SV2B: variants seen among roughly 807,000 people sequenced by gnomAD.
The protein encoded by SV2B is synaptic vesicle glycoprotein 2B, also known as solute carrier family 22 member B2.
A neutral mutation model predicts 73.9 loss-of-function variants in SV2B; 41 were observed. The observed-to-expected ratio is 0.56, with a 90% CI of 0.43 to 0.72. The LOEUF (loss-of-function observed/expected upper bound fraction) is 0.72, where lower values mean the gene tolerates loss of function less well. Ranked by LOEUF, SV2B falls within the 30% of genes least tolerant of loss-of-function variation. The pLI is 0.00. For synonymous variants in SV2B, 314 were observed against 314.2 expected (o/e 1.00, Z 0.01); for missense variants, 764 against 857.8 (o/e 0.89, Z 1.37).
chr15:91,171,179 C>T (rs940129067), intron 1 of SV2B, among the ~76,000 whole-genome samples: 7 of 152,078 alleles, frequency 4.6e-5, no homozygotes, highest in Non-Finnish European at 7.4e-5. Context: ...GTCATGGTGT[C>T]GGGGTCCCTG....
At chr15:91,144,410 T>C (rs545049978) in intron 1 of SV2B, among the ~76,000 whole-genome samples, 3 of 147,016 alleles carry the variant, frequency 2.0e-5, no homozygotes, top group African/African-American at 4.9e-5. Context: ...GTTGAAACAT[T>C]CATGATTTTT....
At chr15:91,248,725 G>A (rs2047353706) in intron 2 of SV2B, among the ~76,000 whole-genome samples, 1 of 152,202 alleles carries the variant, frequency 6.6e-6, no homozygotes, top group African/African-American at 2.4e-5. Context: ...CTGGCAGCTT[G>A]TTAGAGATGC....
At chr15:91,198,339 C>T (rs1232682841) in intron 1 of SV2B, among the ~76,000 whole-genome samples, 5 of 152,130 alleles carry the variant, frequency 3.3e-5, no homozygotes, top group Non-Finnish European at 1.5e-5. Context: ...AAAATGCTTT[C>T]ATCAAGGCAC....
At chr15:91,131,544 C>G (rs962700876) in intron 1 of SV2B, among the ~76,000 whole-genome samples, 21 of 151,922 alleles carry the variant, frequency 1.4e-4, no homozygotes, top group African/African-American at 4.8e-4. Context: ...GTGGCTCATG[C>G]CTGTAATCTC....
intron 1 of SV2B, among the ~76,000 whole-genome samples, chr15:91,182,982 G>T (rs1483390220): frequency 6.6e-6 from 1 of 152,160 alleles, no homozygotes; most frequent in Non-Finnish European, 1.5e-5. Context: ...CCTGTTATGT[G>T]CCAGGAGCCA....
At chr15:91,238,743 C>T (rs1175413267) in intron 2 of SV2B, among the ~76,000 whole-genome samples, 2 of 152,106 alleles carry the variant, frequency 1.3e-5, no homozygotes, top group African/African-American at 2.4e-5. Flanking sequence ...AGACTGTCAG[C>T]CTAGAATAGG....
chr15:91,226,701 A>G lies in SV2B; in HGVS notation c.438A>G (p.Lys146=). 6.2e-7 allele frequency: 1 copy of G among 1,605,296 alleles called. No homozygotes were observed. The highest frequency in any genetic ancestry group is 8.5e-7 in the Non-Finnish European group (1 of 1,178,760). Reference sequence around the variant, plus strand: ...AGGACATGTGTCTGTCCAGTTCCAAAAAAGGAATGCTAGGTAAGTGGAAAT... The same window carrying G: ...AGGACATGTGTCTGTCCAGTTCCAAGAAAGGAATGCTAGGTAAGTGGAAAT... ...AEKDMCLSSS[K]KGMLGMIVYL... Residue 146 remains lysine, a synonymous_variant, in exon 2 of 13, where the codon AAA becomes AAG. Coordinates refer to ENST00000394232, the MANE Select transcript of SV2B (RefSeq NM_001323032.3).
At chr15:91,176,993 T>G (rs1229879030) in intron 1 of SV2B, among the ~76,000 whole-genome samples, 1 of 152,076 alleles carries the variant, frequency 6.6e-6, no homozygotes, top group Non-Finnish European at 1.5e-5. Flanking sequence ...TGGTAATGCC[T>G]AGGTTTTCTT....
At chr15:91,243,004 C>A (rs2047081055) in intron 2 of SV2B, among the ~76,000 whole-genome samples, 1 of 152,178 alleles carries the variant, frequency 6.6e-6, no homozygotes, top group Admixed American at 6.5e-5. Flanking sequence ...ATTTCTCAGT[C>A]CCCACACTCC....
chr15:91,150,664 T>A (rs929897572), intron 1 of SV2B, among the ~76,000 whole-genome samples: 2 of 152,182 alleles, frequency 1.3e-5, no homozygotes, highest in East Asian at 3.8e-4. Context: ...CATAAGCAGA[T>A]GGGTGGGCAC....
chr15:91,125,781 C>CAAGAAAAAAAAAAAAAAAAA (rs2042460714), intron 1 of SV2B, among the ~76,000 whole-genome samples: 1 of 57,118 alleles, frequency 1.8e-5, no homozygotes, highest in Non-Finnish European at 3.5e-5. Context: ...TCTCAAGGGG[C>CAAGAAAAAAAAAAAAAAAAA]AAAAAAAAAA....
At chr15:91,171,637 C>T (rs2044126127) in intron 1 of SV2B, among the ~76,000 whole-genome samples, 1 of 152,166 alleles carries the variant, frequency 6.6e-6, no homozygotes, top group South Asian at 2.1e-4. Context: ...CATACAGACC[C>T]AGCGAAAATG....
At chr15:91,202,886 C>T (rs546779657) in intron 1 of SV2B, among the ~76,000 whole-genome samples, 1 of 152,086 alleles carries the variant, frequency 6.6e-6, no homozygotes, top group South Asian at 2.1e-4. Flanking sequence ...TTGGGTAAGG[C>T]AAACCCTCTC....
chr15:91,176,900 A>G (rs1223275809), intron 1 of SV2B, among the ~76,000 whole-genome samples: 2 of 152,032 alleles, frequency 1.3e-5, no homozygotes, highest in Non-Finnish European at 1.5e-5. Flanking sequence ...GTTTAATTAG[A>G]TCCCATTTGT....
chr15:91,155,127 C>T (rs1289718206), intron 1 of SV2B, among the ~76,000 whole-genome samples: 1 of 152,154 alleles, frequency 6.6e-6, no homozygotes, highest in African/African-American at 2.4e-5. Flanking sequence ...ACTCTCCTTC[C>T]AGCTCCACCT....
rs11639373 is a variant in SV2B at position 91,141,467 on chromosome 15, G to C, written c.-392+41104G>C. On this transcript the variant is annotated intron_variant, in intron 1 of 12. Coordinates refer to ENST00000394232, the MANE Select transcript of SV2B (RefSeq NM_001323032.3). The surrounding 1 kb of genome is among the most constrained non-coding windows in gnomAD (Gnocchi z 4.6). The stretch of plus-strand genomic sequence containing the variant: ...CATTGAGGTATCCTGGTCAAGGGTG[G>C]AGAGAGGTTCCGCTTTGAGGGCCAG... 0.13 allele frequency among the ~76,000 whole-genome samples: 20,358 copies of C among 152,130 alleles called. 1,508 individuals are homozygous for C. Among genetic ancestry groups the C allele is most frequent in the African/African-American group, 0.19 (7,744 of 41,486 alleles).
chr15:91,187,479 A>G (rs897054835), intron 1 of SV2B, among the ~76,000 whole-genome samples: 6 of 152,218 alleles, frequency 3.9e-5, no homozygotes, highest in Non-Finnish European at 8.8e-5. Context: ...GCTCCTGCTT[A>G]TGAAATCAGT....
chr15:91,166,432 G>A (rs962066730), intron 1 of SV2B, among the ~76,000 whole-genome samples: 1 of 151,802 alleles, frequency 6.6e-6, no homozygotes, highest in Non-Finnish European at 1.5e-5. Flanking sequence ...AGTTTTCTTT[G>A]AGTTTATCCT....
chr15:91,213,885 A>G (rs927808363), intron 1 of SV2B, among the ~76,000 whole-genome samples: 1 of 152,218 alleles, frequency 6.6e-6, no homozygotes, highest in Non-Finnish European at 1.5e-5. Context: ...TTAGCAAGGA[A>G]GTGGTAGAGC....
Sources: gnomAD v4.1 joint callset for allele counts (sites outside exome capture counted in the v4.1 genomes callset) on GRCh38, gnomAD v4.1.1 for gene constraint, Gnocchi (gnomAD v3.1) non-coding constraint, MANE v1.5 for transcripts, NCBI Gene and HGNC (gene_info 2026-07-23, HGNC 2026-07-21) for gene names.